ASIC2: variants seen among roughly 807,000 people sequenced by gnomAD.
ASIC2 encodes the protein acid sensing ion channel subunit 2.
A neutral mutation model predicts 57.3 loss-of-function variants in ASIC2; 25 were observed. The ratio of observed to expected loss-of-function variants is 0.44; its 90% CI spans 0.32 to 0.61. ASIC2 has a LOEUF of 0.61. Among genes scored for constraint, ASIC2 ranks in the 20% least tolerant of loss-of-function variants. ASIC2 has a pLI of 0.06. For missense variants in ASIC2, 641 were observed against 738.1 expected, an observed-to-expected ratio of 0.87 and a Z score of 1.52; for synonymous variants, 319 against 307.5, an observed-to-expected ratio of 1.04 and a Z score of -0.39.
chr17:33,579,738 A>G (rs774200436), intron 1 of ASIC2, among the ~76,000 whole-genome samples: 16 of 152,208 alleles, frequency 1.1e-4, no homozygotes, highest in Non-Finnish European at 2.2e-4. Context: ...GTGCGGACCC[A>G]AACACTAAAC....
intron 1 of ASIC2, among the ~76,000 whole-genome samples, chr17:33,491,179 C>T (rs910949784): frequency 6.6e-6 from 1 of 152,166 alleles, no homozygotes; most frequent in Non-Finnish European, 1.5e-5. Context: ...AATTCCCACA[C>T]CCACAGGACA....
intron 1 of ASIC2, among the ~76,000 whole-genome samples, chr17:33,642,637 A>G (rs1906612989): frequency 1.3e-5 from 2 of 152,206 alleles, no homozygotes; most frequent in Admixed American, 1.3e-4. Context: ...AAGTCAGGAT[A>G]TCCCTTGCAA....
chr17:33,820,176 A>G (rs1912703886), intron 1 of ASIC2, among the ~76,000 whole-genome samples: 1 of 152,234 alleles, frequency 6.6e-6, no homozygotes, highest in Non-Finnish European at 1.5e-5. Context: ...AAATTTAAAA[A>G]GTCTTACTAG....
At chr17:33,793,986 G>C (rs1911845321) in intron 1 of ASIC2, 1 of 152,118 alleles carries the variant, frequency 6.6e-6, no homozygotes, top group Non-Finnish European at 1.5e-5. Context: ...AAACTTAAGA[G>C]CACACACTCT....
intron 1 of ASIC2, among the ~76,000 whole-genome samples, chr17:33,225,204 A>C (rs1907833441): frequency 6.6e-6 from 1 of 152,228 alleles, no homozygotes; most frequent in East Asian, 1.9e-4. Flanking sequence ...GTGCTGTGGC[A>C]ATGTTTGTTA....
At chr17:33,530,354 T>G (rs1915013223) in intron 1 of ASIC2, among the ~76,000 whole-genome samples, 1 of 152,254 alleles carries the variant, frequency 6.6e-6, no homozygotes, top group South Asian at 2.1e-4. Context: ...TAGACTTCCT[T>G]TATTCCTAGC....
chr17:33,226,514 G>A (rs982175370), intron 1 of ASIC2, among the ~76,000 whole-genome samples: 1 of 152,196 alleles, frequency 6.6e-6, no homozygotes, highest in African/African-American at 2.4e-5. Flanking sequence ...GCAGAAGCCA[G>A]CAAGGAAAAG....
intron 1 of ASIC2, among the ~76,000 whole-genome samples, chr17:33,360,714 G>A (rs1304758472): frequency 6.6e-6 from 1 of 152,158 alleles, no homozygotes; most frequent in Non-Finnish European, 1.5e-5. Context: ...CTCATTGGTT[G>A]GGCCCCATTT....
At chr17:33,979,214 TG>T (rs1905512838) in intron 1 of ASIC2, among the ~76,000 whole-genome samples, 1 of 152,060 alleles carries the variant, frequency 6.6e-6, no homozygotes, top group African/African-American at 2.4e-5. Flanking sequence ...GACCTTGGCC[TG>T]GCGTTGTCTT....
At chr17:33,359,116 A>G (rs1045960336) in intron 1 of ASIC2, among the ~76,000 whole-genome samples, 1 of 152,232 alleles carries the variant, frequency 6.6e-6, no homozygotes, top group Admixed American at 6.5e-5. Context: ...ATATACTTGA[A>G]CATCATGGCC....
In ASIC2 at chr17:33,056,454, C is replaced by A. The variant is rs548004886; in HGVS notation, c.988-28062G>T. Reference sequence around the variant, plus strand: ...AGATAGCCCCTTCCCAGCCACCCCCCTCCCTGGCCCAGTAGGATTCAGCCT... The same window carrying A: ...AGATAGCCCCTTCCCAGCCACCCCCATCCCTGGCCCAGTAGGATTCAGCCT... On this transcript the variant is annotated intron_variant, in intron 3 of 9. Transcript: ENST00000225823. Among the ~76,000 whole-genome samples the A allele has an allele frequency of 2.0e-5, 3 of 152,266 alleles. No homozygotes were observed. In the South Asian group the frequency reaches 6.2e-4, roughly 32 times the overall value.
intron 1 of ASIC2, among the ~76,000 whole-genome samples, chr17:33,435,072 A>C (rs572034730): frequency 1.3e-5 from 2 of 152,358 alleles, no homozygotes; most frequent in Non-Finnish European, 2.9e-5. Context: ...ACAGAGATAC[A>C]GACATACTAG....
chr17:33,709,052 G>A (rs910199189), intron 1 of ASIC2, among the ~76,000 whole-genome samples: 4 of 152,190 alleles, frequency 2.6e-5, no homozygotes, highest in Admixed American at 1.3e-4. Flanking sequence ...CCGTCTGCCT[G>A]TTTTTTGAAC....
chr17:33,491,141 G>A (rs1913742805), intron 1 of ASIC2, among the ~76,000 whole-genome samples: 1 of 152,034 alleles, frequency 6.6e-6, no homozygotes, highest in African/African-American at 2.4e-5. Context: ...TCTATTTTCT[G>A]TCATTTTCCT....
intron 1 of ASIC2, among the ~76,000 whole-genome samples, chr17:33,188,753 A>G (rs531539255): frequency 5.3e-5 from 8 of 152,290 alleles, no homozygotes; most frequent in African/African-American, 1.9e-4. Context: ...TCAAACATAC[A>G]AATAATGACA....
At chr17:33,057,079 T>C (rs918753956) in intron 3 of ASIC2, among the ~76,000 whole-genome samples, 1 of 152,140 alleles carries the variant, frequency 6.6e-6, no homozygotes, top group African/African-American at 2.4e-5. Context: ...TGAGCTAAAT[T>C]AGGGCTGTCT....
intron 1 of ASIC2, among the ~76,000 whole-genome samples, chr17:33,755,606 T>C (rs753813998): frequency 3.3e-5 from 5 of 152,178 alleles, no homozygotes; most frequent in Non-Finnish European, 5.9e-5. Flanking sequence ...ACACCCTTCA[T>C]TGGGTAACAA....
chr17:33,700,707 A>G (rs1455034343), intron 1 of ASIC2, among the ~76,000 whole-genome samples: 1 of 152,192 alleles, frequency 6.6e-6, no homozygotes. Context: ...GTTTTCATGG[A>G]GGAAGGGAAA....
intron 1 of ASIC2, among the ~76,000 whole-genome samples, chr17:33,832,454 G>A (rs1240838637): frequency 6.6e-6 from 1 of 152,148 alleles, no homozygotes; most frequent in Non-Finnish European, 1.5e-5. Context: ...CCTAATGACA[G>A]GCAGGCAGCC....
Sources: allele counts gnomAD v4.1 joint callset (sites outside exome capture counted in the v4.1 genomes callset), GRCh38; gene constraint gnomAD v4.1.1; transcripts MANE v1.5; gene names NCBI Gene and HGNC (gene_info 2026-07-23, HGNC 2026-07-21).